PHB1: variants seen among roughly 807,000 people sequenced by gnomAD.
The protein encoded by PHB1 is epididymis luminal protein 215.
the PHB1 span, chr17:49,411,613 G>T: frequency 7.0e-7 from 1 of 1,421,342 alleles, no homozygotes; most frequent in Non-Finnish European, 9.8e-7. Flanking sequence ...ATGCTCCTGT[G>T]ACACAGAAGA....
the PHB1 span, chr17:49,405,033 G>A: frequency 6.4e-7 from 1 of 1,569,716 alleles, no homozygotes; most frequent in Non-Finnish European, 8.6e-7. Context: ...CCCGCTGGCA[G>A]GTAGGTGATG....
At chr17:49,407,119 T>C in the PHB1 span, 1 of 449,838 alleles carries the variant, frequency 2.2e-6, no homozygotes, top group South Asian at 2.4e-5. Flanking sequence ...CGGGGGCTTT[T>C]GATGGGGCCC....
the PHB1 span, among the ~76,000 whole-genome samples, chr17:49,405,805 C>T: frequency 1.8e-4 from 28 of 151,992 alleles, no homozygotes; most frequent in African/African-American, 6.3e-4. Context: ...CAAAAAACCT[C>T]GGGATGGCTA....
the PHB1 span, among the ~76,000 whole-genome samples, chr17:49,414,514 A>G: frequency 6.6e-6 from 1 of 151,886 alleles, no homozygotes; most frequent in African/African-American, 2.4e-5. Context: ...TCCAGTCTCA[A>G]ATCCTCCCTC....
chr17:49,410,010 A>G, the PHB1 span, among the ~76,000 whole-genome samples: 1 of 151,968 alleles, frequency 6.6e-6, no homozygotes, highest in East Asian at 1.9e-4. Flanking sequence ...CCTTCCAAGT[A>G]GCTGGGACTA....
the PHB1 span, among the ~76,000 whole-genome samples, chr17:49,409,684 G>A: frequency 0.01 from 1,558 of 151,748 alleles, 27 homozygotes; most frequent in Middle Eastern, 0.037. Context: ...TGGGATTACA[G>A]GCACGCGCCG....
At chr17:49,409,613 C>T in the PHB1 span, 1 of 657,570 alleles carries the variant, frequency 1.5e-6, no homozygotes, top group Non-Finnish European at 2.5e-6. Flanking sequence ...ACAATCTCGG[C>T]TCACTACAAC....
the PHB1 span, among the ~76,000 whole-genome samples, chr17:49,413,905 T>A: frequency 6.6e-6 from 1 of 152,002 alleles, no homozygotes; most frequent in African/African-American, 2.4e-5. Context: ...ACAGAGAACT[T>A]AGCACCACAC....
the PHB1 span, chr17:49,411,671 G>C: frequency 6.2e-7 from 1 of 1,613,198 alleles, no homozygotes; most frequent in Non-Finnish European, 8.5e-7. Context: ...CCATAGGCAA[G>C]ACTCACCTTT....
the PHB1 span, chr17:49,409,319 C>G: frequency 7.4e-6 from 12 of 1,614,056 alleles, no homozygotes; most frequent in Non-Finnish European, 1.0e-5. Flanking sequence ...CTAAAGGCCC[C>G]TGTTCACTCA....
At chr17:49,413,892 T>C in the PHB1 span, among the ~76,000 whole-genome samples, 1 of 152,168 alleles carries the variant, frequency 6.6e-6, no homozygotes, top group African/African-American at 2.4e-5. Context: ...GGGCTTGAAA[T>C]CCACAGAGAA....
the PHB1 span, chr17:49,407,140 G>C: frequency 7.4e-6 from 3 of 403,840 alleles, no homozygotes; most frequent in Non-Finnish European, 1.4e-5. Context: ...ACAGGCACCA[G>C]AAGGTATCTA....
At chr17:49,413,062 T>C in the PHB1 span, 1 of 747,152 alleles carries the variant, frequency 1.3e-6, no homozygotes. Context: ...TGAGCCCTCT[T>C]GGCCACAAAC....
the PHB1 span, chr17:49,406,627 CTTCAAGCCCCTTCT>C: frequency 1.4e-6 from 1 of 711,334 alleles, no homozygotes; most frequent in Non-Finnish European, 2.6e-6. Context: ...AGTACAATTC[CTTCAAGCCCCTTCT>C]GATTATCCCG....
chr17:49,409,348 T>A, the PHB1 span: 1 of 1,614,102 alleles, frequency 6.2e-7, no homozygotes, highest in Non-Finnish European at 8.5e-7. Context: ...GACTTGAGGA[T>A]CTCAGTTGTG....
the PHB1 span, among the ~76,000 whole-genome samples, chr17:49,413,504 TTTC>T: frequency 1.0e-4 from 15 of 150,600 alleles, no homozygotes; most frequent in Admixed American, 9.9e-4. Context: ...TTCAGTTTCT[TTTC>T]TTTCCTTTTT....
At chr17:49,405,082 A>G in the PHB1 span, 1 of 1,610,048 alleles carries the variant, frequency 6.2e-7, no homozygotes, top group African/African-American at 1.3e-5. Flanking sequence ...TGTCCTCTGC[A>G]GCTTCCAGCT....
the PHB1 span, chr17:49,413,403 G>T: frequency 1.6e-6 from 1 of 636,896 alleles, no homozygotes; most frequent in Non-Finnish European, 2.8e-6. Context: ...CCCCATTCCT[G>T]AAAGTGCTAA....
At chr17:49,411,795 C>A in the PHB1 span, 1 of 1,614,186 alleles carries the variant, frequency 6.2e-7, no homozygotes, top group Admixed American at 1.7e-5. Context: ...ATGTCCTGCA[C>A]TCCACGGAAT....
Sources: allele counts gnomAD v4.1 joint callset (sites outside exome capture counted in the v4.1 genomes callset), GRCh38; gene constraint gnomAD v4.1.1; transcripts MANE v1.5; gene names NCBI Gene and HGNC (gene_info 2026-07-23, HGNC 2026-07-21).